Variants in RNF144A observed in about 807,000 individuals in gnomAD.
RNF144A encodes the protein E3 ubiquitin-protein ligase RNF144A.
A neutral mutation model predicts 38.7 loss-of-function variants in RNF144A; 11 were observed. That is an observed-to-expected ratio of 0.28 (90% CI 0.18 to 0.47). The LOEUF is 0.47. Ranked by LOEUF, RNF144A falls within the 20% of genes least tolerant of loss-of-function variation. RNF144A has a pLI of 0.99. For missense variants in RNF144A, 316 were observed against 377.2 expected, an observed-to-expected ratio of 0.84 and a Z score of 1.34; for synonymous variants, 149 against 143.9, an observed-to-expected ratio of 1.04 and a Z score of -0.25.
At chr2:6,963,584 A>C (rs1667476094) in intron 2 of RNF144A, among the ~76,000 whole-genome samples, 1 of 152,242 alleles carries the variant, frequency 6.6e-6, no homozygotes, top group Non-Finnish European at 1.5e-5. Flanking sequence ...ATGACCGAAC[A>C]AAAGACTATT....
In RNF144A at chr2:7,040,911, C is replaced by T. The variant is rs570830858; in HGVS notation, c.*1151C>T. Reference sequence around the variant, plus strand: ...AACCTCCCATTTCACTTCGTTTTAACGTGGGGATTTTACCACTTGATCTTT... The same window carrying T: ...AACCTCCCATTTCACTTCGTTTTAATGTGGGGATTTTACCACTTGATCTTT... On this transcript the variant is annotated 3_prime_UTR_variant, in exon 9 of 9. Coordinates refer to ENST00000320892, the MANE Select transcript of RNF144A (RefSeq NM_014746.6). The T allele has an allele frequency of 2.2e-5, 22 of 985,452 alleles. No individual in the cohort carries two copies. The highest frequency in any genetic ancestry group is 7.0e-5 in the African/African-American group (4 of 57,366). The allele number at this position is 985,452 out of a possible 1,614,324, so 61.0% of individuals were successfully genotyped here. A position where few individuals can be genotyped will look rare whatever the true frequency, so the allele number is the denominator to read the frequency against.
intron 2 of RNF144A, among the ~76,000 whole-genome samples, chr2:6,994,689 A>G (rs1461294530): frequency 1.3e-5 from 2 of 152,174 alleles, no homozygotes; most frequent in Non-Finnish European, 2.9e-5. Context: ...TGTTTAAACT[A>G]TCTTGAAAGT....
In RNF144A at chr2:7,039,737, G is replaced by A; in HGVS notation, c.856G>A (p.Asp286Asn). 6.2e-7 allele frequency: 1 copy of A among 1,613,720 alleles called. No individual in the cohort carries two copies. Among genetic ancestry groups the A allele is most frequent in the Non-Finnish European group, 8.5e-7 (1 of 1,179,952 alleles). ...LCCKCKCSKG[D>N]DDPLPT ...CTGCAAGTGCAAGTGCAGTAAAGGT[G>A]ACGACGACCCGTTACCCACCTAGAG... is the stretch of plus-strand genomic sequence containing the variant. The change falls in exon 9 of 9, where the codon GAC (aspartate) becomes AAC (asparagine). Residue 286 changes from aspartate (D) to asparagine (N), a missense_variant. Physicochemically the swap from Asp to Asn is conservative, Grantham distance 23. Coordinates refer to ENST00000320892, the MANE Select transcript of RNF144A (RefSeq NM_014746.6).
chr2:7,057,649 G>T (rs6431844), intron 6 of RNF144A, among the ~76,000 whole-genome samples: 4 of 152,088 alleles, frequency 2.6e-5, no homozygotes, highest in Non-Finnish European at 5.9e-5. Flanking sequence ...CAGGAGAGAG[G>T]TTCCATTCAT....
chr2:7,033,471 C>G (rs1209563401), intron 8 of RNF144A, among the ~76,000 whole-genome samples: 5 of 152,224 alleles, frequency 3.3e-5, no homozygotes, highest in African/African-American at 1.2e-4. Context: ...CCCTGCTCCT[C>G]CAGGCTCACT....
Position 7,041,820 on chromosome 2 carries a change from G to A in RNF144A, c.*2060G>A, listed in dbSNP as rs1225470009. ...CACACAGTAGCACCCCCGTCCTTAG[G>A]ATGAGAGTCAGAGCCTTTGGAAAGG... On this transcript the variant is annotated 3_prime_UTR_variant, in exon 9 of 9. Coordinates refer to ENST00000320892, the MANE Select transcript of RNF144A (RefSeq NM_014746.6). 1 of 985,382 alleles carries A rather than the reference G, an allele frequency of 1.0e-6. No individual in the cohort carries two copies. The highest frequency in any genetic ancestry group is 1.2e-6 in the Non-Finnish European group (1 of 830,008). The allele number at this position is 985,382 out of a possible 1,614,324, so 61.0% of individuals were successfully genotyped here.
downstream of RNF144A, among the ~76,000 whole-genome samples, chr2:7,069,875 A>C (rs1298811160): frequency 6.6e-6 from 1 of 152,212 alleles, no homozygotes; most frequent in African/African-American, 2.4e-5. Flanking sequence ...TTTGTTTATA[A>C]TGACAAGGAA....
In RNF144A at chr2:7,043,846, G is replaced by A. The variant is rs1050563; in HGVS notation, c.*4086G>A. 0.082 allele frequency: 81,156 copies of A among 985,580 alleles called. 3,548 individuals are homozygous for A. Among genetic ancestry groups the A allele is most frequent in the Middle Eastern group, 0.18 (341 of 1,914 alleles). 61.1% of individuals were successfully genotyped at this position (985,580 alleles called of 1,614,324 possible). A position where few individuals can be genotyped will look rare whatever the true frequency, so the allele number is the denominator to read the frequency against. ...CTTCTTTGCTCACTTTACTATGGGT[G>A]TATTTTAATCTTGTATAAAAATATG... On this transcript the variant is annotated 3_prime_UTR_variant, in exon 9 of 9. Transcript: ENST00000320892.
chr2:7,057,459 G>C (rs1673784727), intron 6 of RNF144A, among the ~76,000 whole-genome samples: 1 of 152,236 alleles, frequency 6.6e-6, no homozygotes, highest in Non-Finnish European at 1.5e-5. Context: ...ATGTTAGACA[G>C]TCAGGAGACC....
intron 1 of RNF144A, among the ~76,000 whole-genome samples, chr2:6,930,138 T>A (rs1391166905): frequency 1.3e-5 from 2 of 152,242 alleles, no homozygotes; most frequent in Non-Finnish European, 2.9e-5. Flanking sequence ...TATTTCTTCA[T>A]GTTTTTTAAA....
intron 1 of RNF144A, chr2:6,932,931 C>T (rs1232603985): frequency 6.6e-6 from 1 of 152,166 alleles, no homozygotes; most frequent in African/African-American, 2.4e-5. Flanking sequence ...TAAAGGGATC[C>T]CTGTGTTTCC....
intron 8 of RNF144A, among the ~76,000 whole-genome samples, chr2:7,039,421 AGGT>A (rs1398948958): frequency 6.7e-6 from 1 of 148,896 alleles, no homozygotes; most frequent in East Asian, 2.0e-4. Flanking sequence ...ATGGATGGGT[AGGT>A]GGATGGATGG....
intron 6 of RNF144A, among the ~76,000 whole-genome samples, chr2:7,021,749 G>C (rs968063753): frequency 6.6e-6 from 1 of 152,246 alleles, no homozygotes; most frequent in Non-Finnish European, 1.5e-5. Context: ...CTGACACACA[G>C]GGCCTGGGCC....
intron 2 of RNF144A, among the ~76,000 whole-genome samples, chr2:6,973,036 T>C (rs764607707): frequency 6.6e-5 from 10 of 152,328 alleles, no homozygotes; most frequent in Admixed American, 1.3e-4. Context: ...TGGGGAACTT[T>C]AAAGCCTCTA....
chr2:6,960,452 G>A (rs1667266771), intron 2 of RNF144A, among the ~76,000 whole-genome samples: 1 of 152,192 alleles, frequency 6.6e-6, no homozygotes. Context: ...TGGGCCCCTG[G>A]ATGATACTCT....
intron 2 of RNF144A, among the ~76,000 whole-genome samples, chr2:6,983,874 G>A (rs1668792084): frequency 6.6e-6 from 1 of 152,198 alleles, no homozygotes; most frequent in Non-Finnish European, 1.5e-5. Flanking sequence ...AAGCCTCGGA[G>A]ACACCCTTGA....
rs114639449 is a variant in RNF144A, at chr2:7,018,660, C to A, written c.302-1813C>A. On this transcript the variant is annotated intron_variant, in intron 5 of 8. Coordinates refer to ENST00000320892, the MANE Select transcript of RNF144A (RefSeq NM_014746.6). ...TTTTGTCAGACCTGACAGCTAGGAA[C>A]ATTCTTAGAAAAGCAAATGTGGAAA... Among the ~76,000 whole-genome samples, 1,378 of 152,332 alleles carry A rather than the reference C, an allele frequency of 9.0e-3. 28 individuals carry two copies. The highest frequency in any genetic ancestry group is 0.032 in the African/African-American group (1,316 of 41,566).
chr2:6,950,145 C>T (rs1470354976), intron 2 of RNF144A, among the ~76,000 whole-genome samples: 1 of 152,188 alleles, frequency 6.6e-6, no homozygotes, highest in African/African-American at 2.4e-5. Context: ...CCTGAACCTG[C>T]CTTTCAAACG....
chr2:6,947,040 A>C (rs1461852366), intron 2 of RNF144A, among the ~76,000 whole-genome samples: 1 of 152,132 alleles, frequency 6.6e-6, no homozygotes, highest in Non-Finnish European at 1.5e-5. Context: ...TCATTTTTAC[A>C]ATGTATCTTC....
Sources: allele counts gnomAD v4.1 joint callset (sites outside exome capture counted in the v4.1 genomes callset), GRCh38; gene constraint gnomAD v4.1.1; transcripts MANE v1.5; gene names NCBI Gene and HGNC (gene_info 2026-07-23, HGNC 2026-07-21).